The following NRG1 variants were observed in gnomAD, a reference collection of about 807,000 sequenced individuals.
The protein encoded by NRG1 is neuregulin 1.
Under a neutral mutation model 63.8 loss-of-function variants are expected in NRG1, and 18 were observed. That is an observed-to-expected ratio of 0.28 (90% CI 0.19 to 0.42). NRG1 has a LOEUF of 0.42. Among genes scored for constraint, NRG1 ranks in the 10% least tolerant of loss-of-function variants. The probability of loss-of-function intolerance (pLI) is 1.00; values close to 1 mark genes in which losing one functional copy is unlikely to be tolerated. For missense variants in NRG1, 762 were observed against 814.7 expected (o/e 0.94, Z 0.79); for synonymous variants, 302 against 301.3 (o/e 1.00, Z -0.02).
chr8:32,114,258 C>A (rs992793824), intron 1 of NRG1, among the ~76,000 whole-genome samples: 2 of 152,210 alleles, frequency 1.3e-5, no homozygotes, highest in African/African-American at 4.8e-5. Context: ...TCTGTCCCTG[C>A]AACATCTTTC....
chr8:32,712,446 T>C (rs1818068471), intron 5 of NRG1, among the ~76,000 whole-genome samples: 1 of 152,122 alleles, frequency 6.6e-6, no homozygotes, highest in Non-Finnish European at 1.5e-5. Flanking sequence ...ATTTAGTATG[T>C]CTCCTATTTG....
At chr8:31,860,531 C>T (rs943488263) in intron 1 of NRG1, among the ~76,000 whole-genome samples, 2 of 152,064 alleles carry the variant, frequency 1.3e-5, no homozygotes, top group Non-Finnish European at 2.9e-5. Context: ...TATTTTTTTG[C>T]ATGAAAAGTA....
chr8:32,690,938 AGTGT>A (rs113081002), intron 5 of NRG1, among the ~76,000 whole-genome samples: 2,598 of 131,106 alleles, frequency 0.02, 35 homozygotes, highest in East Asian at 0.052. Flanking sequence ...TTTCCCTCTC[AGTGT>A]GTGTGTGTGT....
chr8:32,659,798 C>G (rs1399154454), intron 5 of NRG1, among the ~76,000 whole-genome samples: 1 of 152,044 alleles, frequency 6.6e-6, no homozygotes, highest in African/African-American at 2.4e-5. Context: ...TTTTTCTCTT[C>G]CATGTTTTTG....
At chr8:32,448,818 G>T (rs1007276707) in intron 1 of NRG1, among the ~76,000 whole-genome samples, 10 of 152,094 alleles carry the variant, frequency 6.6e-5, no homozygotes, top group African/African-American at 2.4e-4. Flanking sequence ...TCTTCAAAGT[G>T]CTCATTGTTT....
At chr8:32,285,304 A>T (rs866826621) in intron 1 of NRG1, among the ~76,000 whole-genome samples, 1 of 152,100 alleles carries the variant, frequency 6.6e-6, no homozygotes, top group South Asian at 2.1e-4. Context: ...TGCACTGGTG[A>T]TAGAGGCAGG....
chr8:31,750,066 G>A (rs1816298104), intron 1 of NRG1, among the ~76,000 whole-genome samples: 1 of 151,714 alleles, frequency 6.6e-6, no homozygotes, highest in Admixed American at 6.6e-5. Context: ...CTTTCCTGAA[G>A]GTCAACCTAC....
intron 6 of NRG1, among the ~76,000 whole-genome samples, chr8:32,730,793 T>C (rs1187572991): frequency 1.3e-5 from 2 of 152,190 alleles, no homozygotes; most frequent in Admixed American, 1.3e-4. Context: ...CTATAAAATA[T>C]GAGGTTCATT....
intron 1 of NRG1, among the ~76,000 whole-genome samples, chr8:32,010,222 G>A (rs1814523470): frequency 1.3e-5 from 2 of 152,040 alleles, no homozygotes. Flanking sequence ...CATAATTAGT[G>A]TAAAACAAAT....
intron 1 of NRG1, among the ~76,000 whole-genome samples, chr8:32,154,361 TCCACTTCCTGCCTTCCTTTCTC>T (rs962592512): frequency 6.6e-6 from 1 of 151,826 alleles, no homozygotes; most frequent in African/African-American, 2.4e-5. Flanking sequence ...CTTCCTCCCT[TCCACTTCCTGCCTTCCTTTCTC>T]CCACTTCCTG....
chr8:32,450,127 G>A (rs1182303864), intron 1 of NRG1, among the ~76,000 whole-genome samples: 2 of 152,178 alleles, frequency 1.3e-5, no homozygotes, highest in East Asian at 3.8e-4. Context: ...GGCCTTCAGG[G>A]GACTAAGCAG....
intron 1 of NRG1, among the ~76,000 whole-genome samples, chr8:32,056,936 T>G (rs770490906): frequency 2.0e-5 from 3 of 152,192 alleles, no homozygotes; most frequent in Non-Finnish European, 4.4e-5. Flanking sequence ...CAGGTACTTT[T>G]TAGCATTAGT....
At chr8:31,672,435 G>A (rs1375951688) in intron 1 of NRG1, among the ~76,000 whole-genome samples, 1 of 152,154 alleles carries the variant, frequency 6.6e-6, no homozygotes, top group Non-Finnish European at 1.5e-5. Flanking sequence ...AAAGGCTATA[G>A]ACAAAAGATT....
chr8:31,737,285 A>T (rs1379883025), intron 1 of NRG1, among the ~76,000 whole-genome samples: 1 of 152,104 alleles, frequency 6.6e-6, no homozygotes, highest in Non-Finnish European at 1.5e-5. Context: ...CCCCAAATCC[A>T]AGACTGTGTT....
chr8:32,268,138 CA>C (rs1851177331), intron 1 of NRG1, among the ~76,000 whole-genome samples: 1 of 152,158 alleles, frequency 6.6e-6, no homozygotes, highest in African/African-American at 2.4e-5. Context: ...ACTGAGCCAC[CA>C]AAGAAGTGAA....
chr8:31,874,774 C>A (rs1227170068), intron 1 of NRG1, among the ~76,000 whole-genome samples: 1 of 151,620 alleles, frequency 6.6e-6, no homozygotes, highest in Admixed American at 6.6e-5. Flanking sequence ...TCCTTCCCAG[C>A]CTCTGGTAAC....
At chr8:32,682,629 A>T (rs1469321926) in intron 5 of NRG1, among the ~76,000 whole-genome samples, 2 of 152,184 alleles carry the variant, frequency 1.3e-5, no homozygotes, top group Non-Finnish European at 2.9e-5. Context: ...TGTCATGGGC[A>T]AGGCCGCAGG....
chr8:31,954,304 T>C lies in NRG1; in HGVS notation c.37+314873T>C, dbSNP rs1804002330. ...GACTTGTCTCAGGTCCCATAGCTAG[T>C]CAATGGCAAAGTGGGTGAACATGTA... On this transcript the variant is annotated intron_variant, in intron 1 of 10. Transcript: ENST00000519301. Among the ~76,000 whole-genome samples the C allele has an allele frequency of 2.0e-5, 3 of 152,162 alleles. No individual in the cohort carries two copies. The South Asian group carries it at 6.2e-4, about 32-fold the overall frequency.
intron 1 of NRG1, among the ~76,000 whole-genome samples, chr8:32,253,396 A>G (rs1422077644): frequency 1.3e-5 from 2 of 152,214 alleles, no homozygotes; most frequent in African/African-American, 4.8e-5. Context: ...AGCTTTTAGC[A>G]TGAAGTAGCA....
Sources: gnomAD v4.1 joint callset for allele counts (sites outside exome capture counted in the v4.1 genomes callset) on GRCh38, gnomAD v4.1.1 for gene constraint, MANE v1.5 for transcripts, NCBI Gene and HGNC (gene_info 2026-07-23, HGNC 2026-07-21) for gene names.